Variants in SEMA5B observed in about 807,000 individuals in gnomAD.
The protein encoded by SEMA5B is semaphorin-5B.
In SEMA5B, 66 loss-of-function variants were observed where a neutral mutation model predicts 135.0. The observed-to-expected ratio is 0.49, with a 90% CI of 0.40 to 0.60. The LOEUF (loss-of-function observed/expected upper bound fraction) is 0.60, where lower values mean the gene tolerates loss of function less well. Ranked by LOEUF, SEMA5B falls within the 20% of genes least tolerant of loss-of-function variation. The probability of loss-of-function intolerance (pLI) is 0.00; values close to 1 mark genes in which losing one functional copy is unlikely to be tolerated. For synonymous variants in SEMA5B, 690 were observed against 639.5 expected (o/e 1.08, Z -1.19); for missense variants, 1,501 against 1,566.3 (o/e 0.96, Z 0.70).
intron 1 of SEMA5B, among the ~76,000 whole-genome samples, chr3:122,995,780 C>G (rs1161165054): frequency 6.6e-6 from 1 of 152,230 alleles, no homozygotes; most frequent in Non-Finnish European, 1.5e-5. Flanking sequence ...CTGTATCTTC[C>G]TCTTTGAAAT....
Position 122,911,063 on chromosome 3 carries a change from G to A in SEMA5B, c.3092-18C>T. Reference sequence around the variant, plus strand: ...ATTGAACCCTAGGGGAAGAGAGGCAGGTAGTAAGATGAGGGCCACTGTGAA... The same window carrying A: ...ATTGAACCCTAGGGGAAGAGAGGCAAGTAGTAAGATGAGGGCCACTGTGAA... On this transcript the variant is annotated intron_variant, in intron 21 of 22. Coordinates refer to ENST00000357599, the MANE Select transcript of SEMA5B (RefSeq NM_001031702.4). 6.3e-7 allele frequency: 1 copy of A among 1,596,832 alleles called. No homozygotes were observed. Among genetic ancestry groups the A allele is most frequent in the African/African-American group, 1.3e-5 (1 of 74,682 alleles).
At chr3:123,014,932 G>A (rs1274705857) in intron 1 of SEMA5B, among the ~76,000 whole-genome samples, 1 of 152,096 alleles carries the variant, frequency 6.6e-6, no homozygotes, top group African/African-American at 2.4e-5. Context: ...CACACTGGAG[G>A]GTGGGCCCCA....
chr3:122,973,739 C>T (rs557306761), intron 1 of SEMA5B, among the ~76,000 whole-genome samples: 131 of 152,252 alleles, frequency 8.6e-4, no homozygotes, highest in Non-Finnish European at 1.4e-3. Flanking sequence ...GTGGAGCCTC[C>T]CTGTCCCACT....
rs754778836 is a variant in SEMA5B at position 122,939,485 on chromosome 3, A to G, written c.429-15T>C. On this transcript the variant is annotated splice_polypyrimidine_tract_variant and intron_variant, in intron 4 of 22. Coordinates refer to ENST00000357599, the MANE Select transcript of SEMA5B (RefSeq NM_001031702.4). Reference sequence around the variant, plus strand: ...AGAGGTAGTTCCTGTGAAAATGGAAACAGACATCCTAAGTGACGCTGGTTC... The same window carrying G: ...AGAGGTAGTTCCTGTGAAAATGGAAGCAGACATCCTAAGTGACGCTGGTTC... 1.1e-5 allele frequency: 17 copies of G among 1,609,660 alleles called. No individual in the cohort carries two copies. The African/African-American group carries it at 2.0e-4, about 19-fold the overall frequency.
intron 5 of SEMA5B, among the ~76,000 whole-genome samples, chr3:122,933,304 A>C (rs2107670880): frequency 6.6e-6 from 1 of 152,170 alleles, no homozygotes; most frequent in South Asian, 2.1e-4. Context: ...TGCATGTCTG[A>C]TTTATTCTCT....
At chr3:123,021,501 A>G (rs1372994761) in intron 1 of SEMA5B, among the ~76,000 whole-genome samples, 1 of 152,230 alleles carries the variant, frequency 6.6e-6, no homozygotes, top group African/African-American at 2.4e-5. Context: ...TGCTTCACAC[A>G]CTTGTCCCTG....
rs534283633 is a variant in SEMA5B, at chr3:122,912,196, G to C, written c.2872C>G (p.Leu958Val). 1 of 1,598,844 alleles carries C rather than the reference G, an allele frequency of 6.3e-7. No individual in the cohort carries two copies. The highest frequency in any genetic ancestry group is 1.3e-5 in the African/African-American group (1 of 74,810). Residue 958 changes from leucine to valine, a missense_variant, in exon 19 of 23, where the codon CTA becomes GTA. Leu to Val is a conservative substitution (Grantham distance 32). Transcript: ENST00000357599. Reference sequence around the variant, plus strand: ...CCTGGGCAGGCCTGTGTGGCACATAGTGCCTCCTCCGTGTGCAGCCCGAGA... The same window carrying C: ...CCTGGGCAGGCCTGTGTGGCACATACTGCCTCCTCCGTGTGCAGCCCGAGA... ...ICLGLHTEEALCATQACPEGW... is the reference protein window; with the variant it reads ...ICLGLHTEEAVCATQACPEGW...
intron 5 of SEMA5B, among the ~76,000 whole-genome samples, chr3:122,935,885 G>T (rs928066739): frequency 6.6e-6 from 1 of 151,530 alleles, no homozygotes; most frequent in African/African-American, 2.4e-5. Context: ...TAGAGATGGG[G>T]TTTCACCACG....
intron 1 of SEMA5B, among the ~76,000 whole-genome samples, chr3:122,990,733 CT>C (rs1310183600): frequency 1.3e-5 from 2 of 152,178 alleles, no homozygotes; most frequent in Non-Finnish European, 2.9e-5. Flanking sequence ...CACAGGGGTT[CT>C]GATAACAAGA....
chr3:122,910,074 C>G lies in SEMA5B; in HGVS notation c.*69G>C. 6.5e-7 allele frequency: 1 copy of G among 1,540,586 alleles called. No homozygotes were observed. Among genetic ancestry groups the G allele is most frequent in the Non-Finnish European group, 8.8e-7 (1 of 1,136,738 alleles). On this transcript the variant is annotated 3_prime_UTR_variant, in exon 23 of 23. Coordinates refer to ENST00000357599, the MANE Select transcript of SEMA5B (RefSeq NM_001031702.4). ...GCAGAGGGAGAAAACCAAACTGGCT[C>G]CACTGTCCCATCTCCATCTGCTCTG... is the stretch of plus-strand genomic sequence containing the variant.
chr3:123,017,467 T>C (rs924943079), intron 1 of SEMA5B, among the ~76,000 whole-genome samples: 1 of 152,182 alleles, frequency 6.6e-6, no homozygotes, highest in African/African-American at 2.4e-5. Flanking sequence ...CATTCCAAGG[T>C]TCTCTAGTGC....
At chr3:122,987,634 G>A (rs1372093082) in intron 1 of SEMA5B, among the ~76,000 whole-genome samples, 1 of 152,188 alleles carries the variant, frequency 6.6e-6, no homozygotes, top group Admixed American at 6.5e-5. Context: ...TGCTGCTGGG[G>A]CAGCAGAGGT....
Position 122,927,851 on chromosome 3 carries a change from G to A in SEMA5B, c.789C>T (p.Tyr263=), listed in dbSNP as rs867213556. The change falls in exon 8 of 23, where the codon TAC becomes TAT. Residue 263 remains tyrosine, a synonymous_variant. Transcript: ENST00000357599. ...IDFSGRDPAI[Y]RSLGSGPPLR... is the part of the protein sequence containing the mutation. Reference sequence around the variant, plus strand: ...GCGGTGGCCCACTGCCCAGGCTGCGGTAGATGGCAGGGTCCCGACCTGAGA... The same window carrying A: ...GCGGTGGCCCACTGCCCAGGCTGCGATAGATGGCAGGGTCCCGACCTGAGA... 6.3e-7 allele frequency: 1 copy of A among 1,586,166 alleles called. No homozygotes were observed. The highest frequency in any genetic ancestry group is 1.2e-5 in the South Asian group (1 of 86,684).
chr3:122,952,402 C>T (rs577965982), intron 2 of SEMA5B, among the ~76,000 whole-genome samples: 2 of 152,336 alleles, frequency 1.3e-5, no homozygotes, highest in African/African-American at 4.8e-5. Flanking sequence ...TGGAGCCAGA[C>T]AACCCGAGGC....
rs1037957287 is a variant in SEMA5B, at chr3:122,926,529, C to T, written c.999G>A (p.Glu333=). The T allele has an allele frequency of 1.2e-6, 2 of 1,614,264 alleles. No individual in the cohort carries two copies. Among genetic ancestry groups the T allele is most frequent in the Non-Finnish European group, 1.7e-6 (2 of 1,180,054 alleles). ...KNDVGGRFLL[E]DTWTTFMKAR... is the part of the protein sequence containing the mutation. The stretch of plus-strand genomic sequence containing the variant: ...CCTTCATGAATGTGGTCCATGTGTC[C>T]TCCAGCAGGAATCGGCCCCCCACGT... The change falls in exon 9 of 23, where the codon GAG becomes GAA. Residue 333 remains glutamate, a synonymous_variant. Transcript: ENST00000357599.
chr3:122,943,926 C>T (rs1430943813), intron 3 of SEMA5B, among the ~76,000 whole-genome samples: 4 of 152,210 alleles, frequency 2.6e-5, no homozygotes, highest in Non-Finnish European at 5.9e-5. Context: ...CAAGCCACCA[C>T]CAGCTCTTGT....
intron 4 of SEMA5B, among the ~76,000 whole-genome samples, chr3:122,943,139 A>G (rs910835764): frequency 1.3e-5 from 2 of 152,166 alleles, no homozygotes; most frequent in African/African-American, 4.8e-5. Flanking sequence ...ACAGCCGGGC[A>G]GGGACCAGGC....
At chr3:122,922,763 T>C (rs886264174) in intron 10 of SEMA5B, among the ~76,000 whole-genome samples, 1 of 152,106 alleles carries the variant, frequency 6.6e-6, no homozygotes, top group African/African-American at 2.4e-5. Context: ...TGTCCGGTGA[T>C]TTTTATGCTG....
rs982779433 is a variant in SEMA5B, at chr3:122,921,931, C to T, written c.1672G>A (p.Ala558Thr). 8 of 1,533,760 alleles carry T rather than the reference C, an allele frequency of 5.2e-6. No homozygotes were observed. The African/African-American group carries it at 5.5e-5, about 11-fold the overall frequency. Reference sequence around the variant, plus strand: ...CCGGCTTACCCCTGGCTGCGGTAGGCGGCGCACCTCTCCAGTGGGACCCGC... The same window carrying T: ...CCGGCTTACCCCTGGCTGCGGTAGGTGGCGCACCTCTCCAGTGGGACCCGC... ...VLRVPLERCA[A>T]YRSQGACLGA... The change falls in exon 12 of 23, where the codon GCC becomes ACC. Residue 558 changes from alanine to threonine, a missense_variant. Ala to Thr is a moderately conservative substitution (Grantham distance 58). Around this residue, in one of 2 missense-constraint regions of SEMA5B, gnomAD observed 927 missense variants for 881.6 expected, o/e 1.05. Transcript: ENST00000357599.
Sources: gnomAD v4.1 joint callset for allele counts (sites outside exome capture counted in the v4.1 genomes callset) on GRCh38, gnomAD v4.1.1 for gene constraint, gnomAD v4.1.1 regional missense constraint, MANE v1.5 for transcripts, NCBI Gene and HGNC (gene_info 2026-07-23, HGNC 2026-07-21) for gene names.